ASPSCR1: variants seen among roughly 807,000 people sequenced by gnomAD.
ASPSCR1 encodes the protein ASPSCR1 tether for SLC2A4, UBX domain containing.
ASPSCR1 carries 55 observed loss-of-function variants against 68.9 expected under a neutral mutation model. The observed-to-expected ratio is 0.80, with a 90% CI of 0.64 to 1.00. ASPSCR1 has a LOEUF of 1.00. ASPSCR1 is among the 50% of genes least tolerant of loss of function. The pLI, the probability that ASPSCR1 is intolerant of heterozygous loss-of-function variation, is 0.00. For synonymous variants in ASPSCR1, 352 were observed against 332.6 expected (o/e 1.06, Z -0.63); for missense variants, 765 against 762.2 (o/e 1.00, Z -0.04).
rs570280868 is a variant in ASPSCR1 at position 81,986,809 on chromosome 17, G to A, written c.374+1202G>A. On this transcript the variant is annotated intron_variant, in intron 4 of 15. Transcript: ENST00000306739. This position sits in a 1 kb window ranked among gnomAD's most constrained non-coding sequence, Gnocchi z 5.2. ...TGGCCCCAGGGCTGGGCCTGCTCCCGTCTGACAGTAGTGCCGCGCTGCATG... is the reference window on the plus strand; with the variant it reads ...TGGCCCCAGGGCTGGGCCTGCTCCCATCTGACAGTAGTGCCGCGCTGCATG... Among the ~76,000 whole-genome samples the A allele has an allele frequency of 1.2e-4, 18 of 152,326 alleles. No homozygotes were observed. Among genetic ancestry groups the A allele is most frequent in the Admixed American group, 4.6e-4 (7 of 15,304 alleles).
intron 3 of ASPSCR1, among the ~76,000 whole-genome samples, chr17:81,984,946 C>G (rs1471520379): frequency 2.3e-5 from 3 of 128,898 alleles, no homozygotes; most frequent in Non-Finnish European, 5.0e-5. Flanking sequence ...CCCGCACACA[C>G]CCGCACACAC....
intron 3 of ASPSCR1, among the ~76,000 whole-genome samples, chr17:81,985,025 A>C (rs1598389993): frequency 1.9e-5 from 1 of 51,670 alleles, no homozygotes; most frequent in African/African-American, 8.0e-5. Flanking sequence ...CACCGCCCAC[A>C]CCAACATGCA....
At chr17:82,017,150 G>A (rs371078443) in intron 15 of ASPSCR1, 37 bp downstream of exon 15, 17 of 1,566,786 alleles carry the variant, frequency 1.1e-5, no homozygotes, top group South Asian at 7.9e-5. Context: ...TGCTGTGGCC[G>A]GGTGGAGGGC....
intron 12 of ASPSCR1, chr17:82,014,962 C>A: frequency 1.6e-6 from 2 of 1,263,354 alleles, no homozygotes; most frequent in African/African-American, 1.5e-5. Context: ...CAGCCTGAGA[C>A]ATCCTGGGAC....
At chr17:82,010,338 G>A (rs1030790948) in intron 9 of ASPSCR1, among the ~76,000 whole-genome samples, 2 of 151,202 alleles carry the variant, frequency 1.3e-5, no homozygotes, top group African/African-American at 2.4e-5. Flanking sequence ...GACCATCCTG[G>A]CTGACACGGT....
In ASPSCR1 at chr17:81,985,601, A is replaced by C; in HGVS notation, c.368A>C (p.Gln123Pro). 1.2e-6 allele frequency: 2 copies of C among 1,613,488 alleles called. No individual in the cohort carries two copies. Among genetic ancestry groups the C allele is most frequent in the Non-Finnish European group, 1.7e-6 (2 of 1,179,604 alleles). The change falls in exon 4 of 16, where the codon CAG becomes CCG. Residue 123 changes from glutamine to proline, a missense_variant. Gln to Pro is a moderately conservative substitution (Grantham distance 76). Coordinates refer to ENST00000306739, the MANE Select transcript of ASPSCR1 (RefSeq NM_024083.4). The stretch of plus-strand genomic sequence containing the variant: ...TGGGAGCTTCTCAGCCATTTTCCAC[A>C]GATCAGGTGAGCATCAGTGGGCTGG... ...TLWELLSHFP[Q>P]IRECLQHPGG...
At chr17:82,011,308 G>A (rs939666254) in intron 10 of ASPSCR1, among the ~76,000 whole-genome samples, 2 of 148,354 alleles carry the variant, frequency 1.3e-5, no homozygotes, top group African/African-American at 2.5e-5. Context: ...CGGGGGTGGG[G>A]CTGGGGGGCA....
intron 5 of ASPSCR1, chr17:81,995,132 A>G (rs2042294910): frequency 1.9e-6 from 1 of 517,922 alleles, no homozygotes; most frequent in African/African-American, 2.0e-5. Flanking sequence ...GTTTCATTTA[A>G]TAAATATTTG....
chr17:81,986,570 C>T lies in ASPSCR1; in HGVS notation c.374+963C>T, dbSNP rs1197461713. Among the ~76,000 whole-genome samples, 1 of 152,224 alleles carries T rather than the reference C, an allele frequency of 6.6e-6. No individual in the cohort carries two copies. The highest frequency in any genetic ancestry group is 2.4e-5 in the African/African-American group (1 of 41,458). ...ATCGTTGGCTGGAAGTCTCTGTCCA[C>T]AGTAAAAGGCTCAGCAGAATGGAAG... On this transcript the variant is annotated intron_variant, in intron 4 of 15. Transcript: ENST00000306739. The surrounding 1 kb of genome is among the most constrained non-coding windows in gnomAD (Gnocchi z 5.2).
In ASPSCR1 at chr17:81,996,817, G is replaced by A; in HGVS notation, c.904G>A (p.Asp302Asn). 6.2e-7 allele frequency: 1 copy of A among 1,606,420 alleles called. No homozygotes were observed. The highest frequency in any genetic ancestry group is 8.5e-7 in the Non-Finnish European group (1 of 1,177,604). The change falls in exon 7 of 16, where the codon GAT becomes AAT. Residue 302 changes from aspartate to asparagine, a missense_variant. By Grantham distance (23) the Asp-to-Asn change is conservative. Coordinates refer to ENST00000306739, the MANE Select transcript of ASPSCR1 (RefSeq NM_024083.4). ...GGAGCAGGAGCAGGAGCGGGAGCGG[G>A]ATCCCCAGCAGGAGCAGGAGCGGGA... Reference protein sequence around the residue: ...QQEQEQERERDPQQEQERERP... With the variant: ...QQEQEQERERNPQQEQERERP...
chr17:81,994,013 G>A (rs1296892578), intron 4 of ASPSCR1, among the ~76,000 whole-genome samples: 1 of 152,182 alleles, frequency 6.6e-6, no homozygotes, highest in Admixed American at 6.5e-5. Flanking sequence ...TTCTCAGTGG[G>A]GAGGATTTCA....
At chr17:82,000,717 G>A (rs1252812931) in intron 7 of ASPSCR1, among the ~76,000 whole-genome samples, 2 of 152,224 alleles carry the variant, frequency 1.3e-5, no homozygotes, top group Non-Finnish European at 2.9e-5. Flanking sequence ...TCACAGACCC[G>A]GGCGGTTCCT....
Position 82,011,540 on chromosome 17 carries a change from C to T in ASPSCR1, c.1238-3C>T. The stretch of plus-strand genomic sequence containing the variant: ...GTCTGTATGTTCTTTTTCTCCTCTG[C>T]AGTGGGGGACTTGCGAGACTTCGTG... On this transcript the variant is annotated splice_polypyrimidine_tract_variant and splice_region_variant and intron_variant, in intron 10 of 15. Transcript: ENST00000306739. The T allele has an allele frequency of 6.3e-7, 1 of 1,581,730 alleles. No individual in the cohort carries two copies. Among genetic ancestry groups the T allele is most frequent in the Non-Finnish European group, 8.5e-7 (1 of 1,169,750 alleles).
intron 1 of ASPSCR1, chr17:81,978,124 G>A (rs979861764): frequency 6.3e-6 from 1 of 159,920 alleles, no homozygotes; most frequent in Non-Finnish European, 1.4e-5. Flanking sequence ...GGGAGCCCGG[G>A]TTGCGCGGTG....
At chr17:82,000,073 G>C (rs929799379) in intron 7 of ASPSCR1, among the ~76,000 whole-genome samples, 1 of 152,232 alleles carries the variant, frequency 6.6e-6, no homozygotes. Flanking sequence ...TGAAGCGCTC[G>C]TGCCCCTCGA....
rs2042001248 is a variant in ASPSCR1 at position 81,986,639 on chromosome 17, C to T, written c.374+1032C>T. Among the ~76,000 whole-genome samples the T allele has an allele frequency of 6.6e-6, 1 of 151,582 alleles. No individual in the cohort carries two copies. The highest frequency in any genetic ancestry group is 2.4e-5 in the African/African-American group (1 of 41,038). On this transcript the variant is annotated intron_variant, in intron 4 of 15. Transcript: ENST00000306739. This position sits in a 1 kb window ranked among gnomAD's most constrained non-coding sequence, Gnocchi z 5.2. ...TGCTGTGAGCCAGGGGGTTCTCGCC[C>T]TCCCCGGGCCTCAGTTTCCTCACCT...
In ASPSCR1 at chr17:81,987,338, G is replaced by A. The variant is rs986322458; in HGVS notation, c.374+1731G>A. Among the ~76,000 whole-genome samples, 1 of 152,232 alleles carries A rather than the reference G, an allele frequency of 6.6e-6. No individual in the cohort carries two copies. The highest frequency in any genetic ancestry group is 2.4e-5 in the African/African-American group (1 of 41,466). ...GCAGGGATCCCGGCGCCCTGGCTCT[G>A]TGCTGCTTCCTGAGACGAGAGTGGC... On this transcript the variant is annotated intron_variant, in intron 4 of 15. Coordinates refer to ENST00000306739, the MANE Select transcript of ASPSCR1 (RefSeq NM_024083.4). The surrounding 1 kb of genome is among the most constrained non-coding windows in gnomAD (Gnocchi z 5.6).
At chr17:82,000,772 C>T (rs563725856) in intron 7 of ASPSCR1, among the ~76,000 whole-genome samples, 1 of 152,286 alleles carries the variant, frequency 6.6e-6, no homozygotes, top group Non-Finnish European at 1.5e-5. Context: ...GTTTTACTGG[C>T]GATCAGAACC....
intron 3 of ASPSCR1, 108 bp from the exon 4 acceptor site, chr17:81,985,399 G>A (rs2041963494): frequency 8.6e-7 from 1 of 1,161,138 alleles, no homozygotes; most frequent in African/African-American, 1.5e-5. Flanking sequence ...CTCCCTGGAG[G>A]CCAGGGCGGG....
Sources: gnomAD v4.1 joint callset for allele counts (sites outside exome capture counted in the v4.1 genomes callset) on GRCh38, gnomAD v4.1.1 for gene constraint, Gnocchi (gnomAD v3.1) non-coding constraint, MANE v1.5 for transcripts, NCBI Gene and HGNC (gene_info 2026-07-23, HGNC 2026-07-21) for gene names.